Variants in CIB4 observed in about 807,000 individuals in gnomAD.
CIB4 encodes the protein calcium and integrin-binding family member 4.
A neutral mutation model predicts 25.8 loss-of-function variants in CIB4; 25 were observed. The ratio of observed to expected loss-of-function variants is 0.97; its 90% CI spans 0.71 to 1.35. The LOEUF is 1.35. Ranked by LOEUF, CIB4 falls within the 40% of genes most tolerant of loss-of-function variation. The pLI, the probability that CIB4 is intolerant of heterozygous loss-of-function variation, is 0.00. For synonymous variants in CIB4, 75 were observed against 81.4 expected (o/e 0.92, Z 0.42); for missense variants, 235 against 228.2 (o/e 1.03, Z -0.19).
intron 3 of CIB4, among the ~76,000 whole-genome samples, chr2:26,621,751 T>C (rs996102008): frequency 3.9e-5 from 6 of 152,072 alleles, no homozygotes; most frequent in African/African-American, 1.4e-4. Flanking sequence ...GAGATGGTCA[T>C]GAAAGGAGAT....
intron 3 of CIB4, among the ~76,000 whole-genome samples, chr2:26,613,086 C>G (rs1669026972): frequency 6.6e-6 from 1 of 152,222 alleles, no homozygotes; most frequent in South Asian, 2.1e-4. Flanking sequence ...GGGCATTCAT[C>G]ATCTCTCCTC....
chr2:26,591,350 C>G (rs113456470), intron 4 of CIB4, among the ~76,000 whole-genome samples: 3 of 152,128 alleles, frequency 2.0e-5, no homozygotes, highest in African/African-American at 7.2e-5. Context: ...ATGTGGGGGC[C>G]GGGGAGTCAT....
intron 2 of CIB4, among the ~76,000 whole-genome samples, chr2:26,635,142 C>T (rs1003128003): frequency 5.9e-5 from 9 of 152,236 alleles, no homozygotes; most frequent in Non-Finnish European, 1.0e-4. Flanking sequence ...GATGCTAGGG[C>T]GGAAAGGGAC....
At chr2:26,588,588 G>A (rs1668499039) in intron 4 of CIB4, among the ~76,000 whole-genome samples, 1 of 152,214 alleles carries the variant, frequency 6.6e-6, no homozygotes, top group South Asian at 2.1e-4. Context: ...CAGTTTCCCA[G>A]GACTTTTACA....
intron 3 of CIB4, among the ~76,000 whole-genome samples, chr2:26,600,370 C>T (rs560758422): frequency 2.6e-5 from 4 of 152,224 alleles, no homozygotes; most frequent in African/African-American, 9.6e-5. Context: ...TGCCACTGCA[C>T]TCCAGCTTGG....
At chr2:26,586,882 G>A (rs530504995) in intron 4 of CIB4, among the ~76,000 whole-genome samples, 1 of 152,268 alleles carries the variant, frequency 6.6e-6, no homozygotes, top group East Asian at 1.9e-4. Context: ...GACAACTTCT[G>A]GGACCATCTA....
chr2:26,607,968 T>G (rs1668923759), intron 3 of CIB4, among the ~76,000 whole-genome samples: 1 of 152,250 alleles, frequency 6.6e-6, no homozygotes, highest in Non-Finnish European at 1.5e-5. Context: ...CCGGGCGCGA[T>G]GGCTCACGCC....
chr2:26,589,174 TTCTTCC>T lies in CIB4; in HGVS notation c.329-5282_329-5277del, dbSNP rs201754035. On this transcript the variant is annotated intron_variant, in intron 4 of 6. Coordinates refer to ENST00000288861, the MANE Select transcript of CIB4 (RefSeq NM_001029881.3). ...CTTCCCCTTCCCCTTCTCCTTCTCC[TTCTTCC>T]TCTTCCTCTTCCTCCCCTTCCCCTT... 5.0e-3 allele frequency among the ~76,000 whole-genome samples: 692 copies of T among 138,414 alleles called. 32 individuals are homozygous for T. Among genetic ancestry groups the T allele is most frequent in the African/African-American group, 0.018 (626 of 35,458 alleles). The allele number at this position is 138,414 out of a possible 152,430, so 90.8% of individuals were successfully genotyped here. A position where few individuals can be genotyped will look rare whatever the true frequency, so the allele number is the denominator to read the frequency against.
chr2:26,634,093 C>T (rs189477353), intron 2 of CIB4, among the ~76,000 whole-genome samples: 17 of 152,258 alleles, frequency 1.1e-4, no homozygotes, highest in Non-Finnish European at 2.2e-4. Flanking sequence ...ATCTGCCCTC[C>T]CCACCCCTTG....
At chr2:26,611,052 T>C (rs1668987791) in intron 3 of CIB4, among the ~76,000 whole-genome samples, 2 of 152,140 alleles carry the variant, frequency 1.3e-5, no homozygotes, top group Non-Finnish European at 2.9e-5. Flanking sequence ...AAGTGGAAAA[T>C]GCCCCGTGAA....
At chr2:26,622,431 C>T (rs376796467) in intron 3 of CIB4, among the ~76,000 whole-genome samples, 2 of 151,892 alleles carry the variant, frequency 1.3e-5, no homozygotes, top group East Asian at 3.9e-4. Context: ...TATCATGTAA[C>T]TATATTGGGA....
intron 2 of CIB4, among the ~76,000 whole-genome samples, chr2:26,631,393 G>A (rs1669417831): frequency 1.3e-5 from 2 of 152,174 alleles, no homozygotes; most frequent in African/African-American, 4.8e-5. Context: ...AGGATCACTG[G>A]ATCCCAGGAG....
intron 4 of CIB4, among the ~76,000 whole-genome samples, chr2:26,585,831 T>A (rs778950323): frequency 6.6e-6 from 1 of 152,046 alleles, no homozygotes; most frequent in Non-Finnish European, 1.5e-5. Flanking sequence ...GTCCCTCATA[T>A]GCTACCTGTC....
In CIB4 at chr2:26,581,254, T is replaced by A. The variant is rs744539; in HGVS notation, c.*109A>T. The A allele has an allele frequency of 1.2e-6, 1 of 853,686 alleles. No homozygotes were observed. The highest frequency in any genetic ancestry group is 1.4e-5 in the South Asian group (1 of 72,316). 52.9% of individuals were successfully genotyped at this position (853,686 alleles called of 1,614,324 possible). A position where few individuals can be genotyped will look rare whatever the true frequency, so the allele number is the denominator to read the frequency against. ...TAATAAACAATATTCTAGAGGTGAG[T>A]GTGGGCCCAGTACAAAGTCATACTT... On this transcript the variant is annotated 3_prime_UTR_variant, in exon 7 of 7. Coordinates refer to ENST00000288861, the MANE Select transcript of CIB4 (RefSeq NM_001029881.3).
chr2:26,586,335 G>A (rs61569325), intron 4 of CIB4, among the ~76,000 whole-genome samples: 3,338 of 152,188 alleles, frequency 0.022, 134 homozygotes, highest in African/African-American at 0.075. Flanking sequence ...CCCCCTCCTC[G>A]GGACACTCTC....
intron 3 of CIB4, among the ~76,000 whole-genome samples, chr2:26,617,147 T>TGTGTGTGTGTGTGTGTGC (rs10665609): frequency 6.9e-4 from 104 of 150,532 alleles, no homozygotes; most frequent in African/African-American, 2.5e-3. Flanking sequence ...TGTGTGTGTG[T>TGTGTGTGTGTGTGTGTGC]GCACGTGAGC....
At chr2:26,605,731 G>C (rs1051380237) in intron 3 of CIB4, among the ~76,000 whole-genome samples, 2 of 152,152 alleles carry the variant, frequency 1.3e-5, no homozygotes, top group Non-Finnish European at 2.9e-5. Flanking sequence ...AGGTGGCAGG[G>C]ACGATATTAT....
At chr2:26,599,347 T>C (rs1462717536) in intron 3 of CIB4, among the ~76,000 whole-genome samples, 1 of 152,198 alleles carries the variant, frequency 6.6e-6, no homozygotes, top group Non-Finnish European at 1.5e-5. Flanking sequence ...CTACAGTTTA[T>C]CGACAATAAA....
intron 3 of CIB4, among the ~76,000 whole-genome samples, chr2:26,618,460 T>G (rs1266534674): frequency 6.6e-6 from 1 of 152,112 alleles, no homozygotes; most frequent in African/African-American, 2.4e-5. Flanking sequence ...TAATTTTTTA[T>G]TTTTTGTAGA....
Sources: allele counts gnomAD v4.1 joint callset (sites outside exome capture counted in the v4.1 genomes callset), GRCh38; gene constraint gnomAD v4.1.1; transcripts MANE v1.5; gene names NCBI Gene and HGNC (gene_info 2026-07-23, HGNC 2026-07-21).